Variants in STOX1 observed in about 807,000 individuals in gnomAD.
STOX1 encodes storkhead-box protein 1.
STOX1 carries 57 observed loss-of-function variants against 74.8 expected under a neutral mutation model. The ratio of observed to expected loss-of-function variants is 0.76; its 90% CI spans 0.62 to 0.95. The LOEUF is 0.95. Ranked by LOEUF, STOX1 falls within the 40% of genes least tolerant of loss-of-function variation. The pLI, the probability that STOX1 is intolerant of heterozygous loss-of-function variation, is 0.00. For missense variants in STOX1, 1,010 were observed against 1,117.0 expected (o/e 0.90, Z 1.37); for synonymous variants, 375 against 401.3 (o/e 0.93, Z 0.78).
rs181575203 is a variant in STOX1 at position 68,855,794 on chromosome 10, C to A, written c.311-26164C>A. 8.0e-4 allele frequency among the ~76,000 whole-genome samples: 121 copies of A among 151,892 alleles called. 1 individual carries two copies. The highest frequency in any genetic ancestry group is 2.8e-3 in the African/African-American group (116 of 41,328). The stretch of plus-strand genomic sequence containing the variant: ...AAAGACTCTTAATGTGTCCTCTCAT[C>A]TCCCATCAGCTGATAAACTTGGGGG... On this transcript the variant is annotated intron_variant, in intron 1 of 3. Transcript: ENST00000298596.
intron 1 of STOX1, among the ~76,000 whole-genome samples, chr10:68,875,200 C>T (rs555063501): frequency 2.6e-5 from 4 of 152,354 alleles, no homozygotes; most frequent in Admixed American, 1.3e-4. Context: ...GTGATCCTCA[C>T]GCCCCCCAAC....
intron 1 of STOX1, among the ~76,000 whole-genome samples, chr10:68,868,188 CAG>C: frequency 6.6e-6 from 1 of 152,218 alleles, no homozygotes. Context: ...AAGACACAGA[CAG>C]AGAAATAGAG....
At chr10:68,842,626 C>T (rs1232784377) in intron 1 of STOX1, among the ~76,000 whole-genome samples, 4 of 150,238 alleles carry the variant, frequency 2.7e-5, no homozygotes, top group African/African-American at 9.8e-5. Context: ...CTGCAACCTC[C>T]GCCTCCCGGG....
chr10:68,891,489 A>C (rs1841095841), intron 3 of STOX1, among the ~76,000 whole-genome samples: 1 of 152,142 alleles, frequency 6.6e-6, no homozygotes, highest in African/African-American at 2.4e-5. Flanking sequence ...AGAGTAGCAA[A>C]GTGGGAAAAG....
Position 68,876,325 on chromosome 10 carries a change from T to G in STOX1, c.311-5633T>G, listed in dbSNP as rs370129488. On this transcript the variant is annotated intron_variant, in intron 1 of 3. Transcript: ENST00000298596. ...ACATGCGCCACCACACCCAGCTAAT[T>G]TTGTATTTTTAGTAGAGACGGGGTT... Among the ~76,000 whole-genome samples, 4 of 151,750 alleles carry G rather than the reference T, an allele frequency of 2.6e-5. No homozygotes were observed. In the East Asian group the frequency reaches 7.7e-4, roughly 29 times the overall value.
At chr10:68,835,368 G>C (rs1839520636) in intron 1 of STOX1, among the ~76,000 whole-genome samples, 1 of 151,792 alleles carries the variant, frequency 6.6e-6, no homozygotes, top group Non-Finnish European at 1.5e-5. Flanking sequence ...TTTAGATAGA[G>C]GGTTTCACTC....
chr10:68,828,394 G>C (rs995169438), intron 1 of STOX1: 4 of 781,166 alleles, frequency 5.1e-6, no homozygotes, highest in Non-Finnish European at 6.5e-6. Flanking sequence ...GAGGGCCCGG[G>C]GGCTGCGGTT....
In STOX1 at chr10:68,890,807, C is replaced by T. The variant is rs193157194; in HGVS notation, c.2823-1782C>T. Among the ~76,000 whole-genome samples the T allele has an allele frequency of 1.8e-3, 267 of 151,988 alleles. 7 individuals carry two copies. In the East Asian group the frequency reaches 0.043, roughly 24 times the overall value. ...CTGGGATTACAGGCACACGCCACCA[C>T]GCCCAGCTAATTTTTGTATTTTTAG... On this transcript the variant is annotated intron_variant, in intron 3 of 3. Transcript: ENST00000298596.
chr10:68,845,747 G>T (rs182958164), intron 1 of STOX1, among the ~76,000 whole-genome samples: 1 of 151,390 alleles, frequency 6.6e-6, no homozygotes, highest in Non-Finnish European at 1.5e-5. Flanking sequence ...GATTATAGGC[G>T]CATGCCACCA....
At chr10:68,832,698 G>A (rs1046401001) in intron 1 of STOX1, among the ~76,000 whole-genome samples, 5 of 151,756 alleles carry the variant, frequency 3.3e-5, no homozygotes, top group African/African-American at 1.2e-4. Context: ...AGTGCTGGTG[G>A]CTCTTTTTAA....
chr10:68,844,861 C>A (rs765815967), intron 1 of STOX1, among the ~76,000 whole-genome samples: 1 of 151,434 alleles, frequency 6.6e-6, no homozygotes, highest in Non-Finnish European at 1.5e-5. Flanking sequence ...CTCCCACTTT[C>A]AATTGATTCT....
At chr10:68,848,371 C>G (rs1052943234) in intron 1 of STOX1, among the ~76,000 whole-genome samples, 1 of 152,194 alleles carries the variant, frequency 6.6e-6, no homozygotes, top group Non-Finnish European at 1.5e-5. Context: ...GCCCAGTGGC[C>G]TGCAAGACCT....
Position 68,885,149 on chromosome 10 carries a change from ACAC to A in STOX1, c.1355_1357del (p.His452del). The A allele has an allele frequency of 6.2e-7, 1 of 1,612,114 alleles. No homozygotes were observed. Among genetic ancestry groups the A allele is most frequent in the South Asian group, 1.1e-5 (1 of 90,968 alleles). ...AGCCAGGAAGCATTAGACTGGAGAA[ACAC>A]CCCAAGCTCCCTGCTACACAGCCCA... On this transcript the variant is annotated inframe_deletion, in exon 3 of 4. Transcript: ENST00000298596.
chr10:68,851,115 T>C (rs1400975855), intron 1 of STOX1, among the ~76,000 whole-genome samples: 2 of 151,928 alleles, frequency 1.3e-5, no homozygotes, highest in Non-Finnish European at 2.9e-5. Context: ...GAGACCAGCC[T>C]GGGCAACATA....
intron 1 of STOX1, among the ~76,000 whole-genome samples, chr10:68,875,214 G>A (rs575099178): frequency 6.6e-6 from 1 of 152,284 alleles, no homozygotes; most frequent in Admixed American, 6.5e-5. Context: ...CCCCAACCTG[G>A]GGGAAAATCA....
Position 68,886,379 on chromosome 10 carries a change from A to T in STOX1, c.2583A>T (p.Arg861Ser). ...GAATCTTTGATTACTATAGCGCAAG[A>T]AAAGCCAGTTTTGAAGCTGAAGTCA... ...DERIFDYYSA[R>S]KASFEAEVIQ... is the part of the protein sequence containing the mutation. Residue 861 changes from arginine to serine, a missense_variant, in exon 3 of 4, where the codon AGA becomes AGT. Coordinates refer to ENST00000298596, the MANE Select transcript of STOX1 (RefSeq NM_152709.5). 6.2e-7 allele frequency: 1 copy of T among 1,614,222 alleles called. No individual in the cohort carries two copies. The highest frequency in any genetic ancestry group is 1.1e-5 in the South Asian group (1 of 91,080).
At chr10:68,862,935 A>G in intron 1 of STOX1, among the ~76,000 whole-genome samples, 1 of 152,086 alleles carries the variant, frequency 6.6e-6, no homozygotes, top group East Asian at 1.9e-4. Flanking sequence ...ACAGGAGCAG[A>G]TTCATTATGG....
Position 68,885,291 on chromosome 10 carries a change from G to A in STOX1, c.1495G>A (p.Gly499Ser). The A allele has an allele frequency of 6.2e-7, 1 of 1,614,140 alleles. No homozygotes were observed. ...YKKRISNPFQ[G>S]LSHRGSTISK... ...AAAGCGAATCAGTAATCCTTTCCAG[G>A]GTTTGTCTCACCGAGGAAGCACAAT... The change falls in exon 3 of 4, where the codon GGT becomes AGT. Residue 499 changes from glycine (G) to serine (S), a missense_variant. Physicochemically the swap from Gly to Ser is moderately conservative, Grantham distance 56 (BLOSUM62 0). Transcript: ENST00000298596.
rs187755795 is a variant in STOX1, at chr10:68,885,117, G to A, written c.1321G>A (p.Glu441Lys). Residue 441 changes from glutamate (E) to lysine (K), a missense_variant, in exon 3 of 4, where the codon GAG (glutamate) becomes AAG (lysine). Glu to Lys is a moderately conservative substitution (Grantham distance 56). Coordinates refer to ENST00000298596, the MANE Select transcript of STOX1 (RefSeq NM_152709.5). ...DRHKARNQGS[E>K]FQPGSIRLEK... The stretch of plus-strand genomic sequence containing the variant: ...ACACAAAGCCAGGAATCAGGGAAGT[G>A]AGTTTCAGCCAGGAAGCATTAGACT... 1 of 1,613,056 alleles carries A rather than the reference G, an allele frequency of 6.2e-7. No homozygotes were observed. Among genetic ancestry groups the A allele is most frequent in the Admixed American group, 1.7e-5 (1 of 59,902 alleles).
Sources: allele counts gnomAD v4.1 joint callset (sites outside exome capture counted in the v4.1 genomes callset), GRCh38; gene constraint gnomAD v4.1.1; transcripts MANE v1.5; gene names NCBI Gene and HGNC (gene_info 2026-07-23, HGNC 2026-07-21).